Variants in AKAP6 observed in about 807,000 individuals in gnomAD.
AKAP6 encodes A-kinase anchor protein 6.
Under a neutral mutation model 188.5 loss-of-function variants are expected in AKAP6, and 58 were observed. That is an observed-to-expected ratio of 0.31 (90% CI 0.25 to 0.38). The LOEUF (loss-of-function observed/expected upper bound fraction) is 0.38, where lower values mean the gene tolerates loss of function less well. AKAP6 is among the 10% of genes least tolerant of loss of function. The pLI, the probability that AKAP6 is intolerant of heterozygous loss-of-function variation, is 1.00. For synonymous variants in AKAP6, 989 were observed against 998.6 expected (o/e 0.99, Z 0.18); for missense variants, 2,710 against 2,740.0 (o/e 0.99, Z 0.24).
chr14:32,480,755 A>G, intron 2 of AKAP6, among the ~76,000 whole-genome samples: 1 of 152,188 alleles, frequency 6.6e-6, no homozygotes, highest in Non-Finnish European at 1.5e-5. Context: ...TTTTATGCCC[A>G]GGTCTGATTC....
At chr14:32,494,533 A>G (rs1309546622) in intron 2 of AKAP6, among the ~76,000 whole-genome samples, 5 of 152,182 alleles carry the variant, frequency 3.3e-5, no homozygotes, top group Non-Finnish European at 5.9e-5. Context: ...ACTAAGTTTC[A>G]TAATTATGAA....
At chr14:32,688,793 G>A (rs2139673879) in intron 8 of AKAP6, among the ~76,000 whole-genome samples, 1 of 152,182 alleles carries the variant, frequency 6.6e-6, no homozygotes, top group South Asian at 2.1e-4. Flanking sequence ...CTAAAATCTT[G>A]TAGTCCAAGC....
intron 13 of AKAP6, among the ~76,000 whole-genome samples, chr14:32,828,077 G>A (rs887429765): frequency 6.6e-6 from 1 of 151,998 alleles, no homozygotes; most frequent in Non-Finnish European, 1.5e-5. Flanking sequence ...TACTTTATTG[G>A]TCTGTAAATG....
chr14:32,739,679 A>G (rs918394041), intron 11 of AKAP6, among the ~76,000 whole-genome samples: 7 of 152,126 alleles, frequency 4.6e-5, no homozygotes, highest in African/African-American at 1.4e-4. Context: ...GGTTCGGTCC[A>G]TGTTGTTGTA....
chr14:32,624,725 T>G (rs538510517), intron 7 of AKAP6, among the ~76,000 whole-genome samples: 1 of 152,178 alleles, frequency 6.6e-6, no homozygotes, highest in Admixed American at 6.6e-5. Flanking sequence ...AGGAAGAAAA[T>G]TATGAGAAGT....
intron 7 of AKAP6, among the ~76,000 whole-genome samples, chr14:32,608,532 GT>G (rs1886222181): frequency 6.9e-6 from 1 of 143,926 alleles, no homozygotes; most frequent in African/African-American, 2.5e-5. Context: ...AGCTTATTTT[GT>G]TTTTCACACT....
At chr14:32,530,613 C>T (rs1882367978) in intron 2 of AKAP6, among the ~76,000 whole-genome samples, 1 of 152,072 alleles carries the variant, frequency 6.6e-6, no homozygotes. Flanking sequence ...CATGATGAGG[C>T]AGCAAAGAGA....
At chr14:32,583,394 C>T (rs942530566) in intron 5 of AKAP6, among the ~76,000 whole-genome samples, 34 of 152,190 alleles carry the variant, frequency 2.2e-4, no homozygotes, top group Admixed American at 6.5e-5. Flanking sequence ...TGTCAGTCTG[C>T]CCCTACTGGG....
chr14:32,750,986 G>C (rs1248255756), intron 11 of AKAP6, among the ~76,000 whole-genome samples: 1 of 151,510 alleles, frequency 6.6e-6, no homozygotes, highest in Non-Finnish European at 1.5e-5. Context: ...CCACCCCCTT[G>C]GCCTCTCAAA....
intron 1 of AKAP6, among the ~76,000 whole-genome samples, chr14:32,380,613 T>C (rs1198303079): frequency 6.6e-6 from 1 of 152,214 alleles, no homozygotes; most frequent in Non-Finnish European, 1.5e-5. Flanking sequence ...TCAAGAGGCA[T>C]ATAGACAGAA....
At chr14:32,588,107 G>C (rs1026138630) in intron 5 of AKAP6, among the ~76,000 whole-genome samples, 1 of 151,970 alleles carries the variant, frequency 6.6e-6, no homozygotes. Flanking sequence ...CCCTCCCTTG[G>C]GTAACCAATG....
chr14:32,693,568 G>A (rs908868107), intron 8 of AKAP6: 2 of 152,224 alleles, frequency 1.3e-5, no homozygotes, highest in African/African-American at 2.4e-5. Flanking sequence ...TGGAAATGAA[G>A]TTGACATCCT....
intron 2 of AKAP6, among the ~76,000 whole-genome samples, chr14:32,445,754 C>T (rs1195869818): frequency 6.6e-6 from 1 of 152,090 alleles, no homozygotes. Context: ...TATTACTACT[C>T]CAGCTGTTTT....
Position 32,600,714 on chromosome 14 carries a change from G to A in AKAP6, c.2652G>A (p.Arg884=). ...AACGGCAGCACAGCTGGATTCTCAG[G>A]GCTCTGGATACCATCAAAGCCGAGA... ...QIKRQHSWIL[R]ALDTIKAEIL... The change falls in exon 7 of 14, where the codon AGG becomes AGA. Residue 884 remains arginine, a synonymous_variant. Coordinates refer to ENST00000280979, the MANE Select transcript of AKAP6 (RefSeq NM_004274.5). 6.2e-7 allele frequency: 1 copy of A among 1,613,634 alleles called. No individual in the cohort carries two copies. Among genetic ancestry groups the A allele is most frequent in the Non-Finnish European group, 8.5e-7 (1 of 1,179,814 alleles).
intron 9 of AKAP6, among the ~76,000 whole-genome samples, chr14:32,723,559 ATG>A (rs35524964): frequency 8.8e-5 from 12 of 137,046 alleles, no homozygotes; most frequent in African/African-American, 3.2e-4. Flanking sequence ...GTATGTGTTT[ATG>A]TGTGTGTGTG....
chr14:32,681,153 T>G (rs1265398202), intron 8 of AKAP6, among the ~76,000 whole-genome samples: 1 of 152,248 alleles, frequency 6.6e-6, no homozygotes, highest in African/African-American at 2.4e-5. Flanking sequence ...GAGCATAGTT[T>G]ATCAAGAACA....
intron 7 of AKAP6, among the ~76,000 whole-genome samples, chr14:32,670,421 CTAGT>C (rs752156013): frequency 3.9e-5 from 6 of 151,940 alleles, no homozygotes; most frequent in Admixed American, 3.3e-4. Context: ...GCATTCTGGA[CTAGT>C]TGCTAAAGGG....
In AKAP6 at chr14:32,347,178, T is replaced by C. The variant is rs574012785; in HGVS notation, c.-35+17770T>C. Among the ~76,000 whole-genome samples, 4 of 152,344 alleles carry C rather than the reference T, an allele frequency of 2.6e-5. No individual in the cohort carries two copies. In the South Asian group the frequency reaches 8.3e-4, roughly 32 times the overall value. ...ATCAGAAATCCTTTTAAATCAATGG[T>C]TGGAGACAAGGACAGATTAGGGATT... On this transcript the variant is annotated intron_variant, in intron 1 of 13. Transcript: ENST00000280979.
rs148463898 is a variant in AKAP6, at chr14:32,688,253, G to A, written c.2880-7737G>A. On this transcript the variant is annotated intron_variant, in intron 8 of 13. Coordinates refer to ENST00000280979, the MANE Select transcript of AKAP6 (RefSeq NM_004274.5). ...CTATTGATAAAAGGAGAAAGTTGCC[G>A]ACACGGACAATGAGAAGGCACCTAA... 6.7e-3 allele frequency among the ~76,000 whole-genome samples: 1,025 copies of A among 152,012 alleles called. 15 individuals are homozygous for A. Among genetic ancestry groups the A allele is most frequent in the African/African-American group, 0.023 (952 of 41,470 alleles).
Sources: gnomAD v4.1 joint callset for allele counts (sites outside exome capture counted in the v4.1 genomes callset) on GRCh38, gnomAD v4.1.1 for gene constraint, MANE v1.5 for transcripts, NCBI Gene and HGNC (gene_info 2026-07-23, HGNC 2026-07-21) for gene names.